Variants in EPB41L4A observed in about 807,000 individuals in gnomAD.
EPB41L4A encodes the protein band 4.1-like protein 4A.
EPB41L4A carries 100 observed loss-of-function variants against 108.6 expected under a neutral mutation model. The ratio of observed to expected loss-of-function variants is 0.92; its 90% confidence interval spans 0.78 to 1.09. The LOEUF is 1.09. Among genes scored for constraint, EPB41L4A ranks in the 50% least tolerant of loss-of-function variants. The pLI, the probability that EPB41L4A is intolerant of heterozygous loss-of-function variation, is 0.00. For missense variants in EPB41L4A, 1,030 were observed against 842.7 expected (o/e 1.22, Z -2.75); for synonymous variants, 319 against 289.0 (o/e 1.10, Z -1.05).
At chr5:112,305,537 C>A (rs1249600617) in intron 2 of EPB41L4A, among the ~76,000 whole-genome samples, 1 of 151,736 alleles carries the variant, frequency 6.6e-6, no homozygotes, top group Non-Finnish European at 1.5e-5. Context: ...TTTTTAAATC[C>A]TTATTTGTTT....
chr5:112,251,481 T>C (rs1750662395), intron 9 of EPB41L4A, among the ~76,000 whole-genome samples: 1 of 152,180 alleles, frequency 6.6e-6, no homozygotes, highest in Non-Finnish European at 1.5e-5. Flanking sequence ...TGATACAGAA[T>C]GATTTCTAGG....
chr5:112,234,635 A>T lies in EPB41L4A; in HGVS notation c.1086T>A (p.Ala362=). The change falls in exon 12 of 23, where the codon GCT becomes GCA. Residue 362 remains alanine, a splice_region_variant and synonymous_variant. Transcript: ENST00000261486. ...TAACTCAGGGGAACCATGACTTACC[A>T]GCTGGCTGTGTTTGTGCTATTCGCT... is the stretch of plus-strand genomic sequence containing the variant. The part of the protein sequence containing the change: ...YPKRIAQTQP[A]ESNSISRITA... 1.2e-6 allele frequency: 2 copies of T among 1,612,826 alleles called. No homozygotes were observed. Among genetic ancestry groups the T allele is most frequent in the South Asian group, 2.2e-5 (2 of 90,922 alleles).
At chr5:112,305,604 C>A (rs545448895) in intron 2 of EPB41L4A, among the ~76,000 whole-genome samples, 1 of 151,966 alleles carries the variant, frequency 6.6e-6, no homozygotes, top group Non-Finnish European at 1.5e-5. Flanking sequence ...AAAACTGTTA[C>A]CAAGATGAAG....
intron 9 of EPB41L4A, among the ~76,000 whole-genome samples, chr5:112,252,854 T>TA (rs34687416): frequency 0.58 from 87,220 of 149,712 alleles, 27,883 homozygotes; most frequent in Non-Finnish European, 0.7. Flanking sequence ...TTGAAAGTAT[T>TA]AAAAAAAAAA....
Position 112,332,208 on chromosome 5 carries a change from C to CT in EPB41L4A, c.100-24719_100-24718insA, listed in dbSNP as rs1352214122. Among the ~76,000 whole-genome samples the CT allele has an allele frequency of 4.6e-5, 7 of 152,324 alleles. No individual in the cohort carries two copies. In the East Asian group the frequency reaches 1.3e-3, roughly 29 times the overall value. On this transcript the variant is annotated intron_variant, in intron 1 of 22. Transcript: ENST00000261486. ...TAAGGATAGTGAGAAGAATAAAACA[C>CT]AGTCTTTTTGTTTTTAGTTCTCTAT... is the stretch of plus-strand genomic sequence containing the variant.
chr5:112,346,470 C>T (rs1339701189), intron 1 of EPB41L4A, among the ~76,000 whole-genome samples: 1 of 152,058 alleles, frequency 6.6e-6, no homozygotes, highest in Non-Finnish European at 1.5e-5. Flanking sequence ...GATCCACCCA[C>T]CTTAGCCTTC....
chr5:112,309,668 T>A (rs937038996), intron 1 of EPB41L4A, among the ~76,000 whole-genome samples: 15 of 152,142 alleles, frequency 9.9e-5, no homozygotes, highest in African/African-American at 3.6e-4. Context: ...ACCACCCCTA[T>A]AATTGTGTTA....
downstream of EPB41L4A, among the ~76,000 whole-genome samples, chr5:112,160,127 T>A (rs1298256944): frequency 1.3e-5 from 2 of 152,044 alleles, no homozygotes; most frequent in African/African-American, 4.8e-5. Context: ...GCCAGGCTGG[T>A]CTTGAACTCC....
At chr5:112,322,593 C>G (rs1755866450) in intron 1 of EPB41L4A, among the ~76,000 whole-genome samples, 1 of 152,096 alleles carries the variant, frequency 6.6e-6, no homozygotes, top group African/African-American at 2.4e-5. Flanking sequence ...CAGCAGACCT[C>G]AAAGGTCACT....
intron 14 of EPB41L4A, 91 bp downstream of exon 14, chr5:112,205,330 C>T: frequency 3.7e-6 from 4 of 1,084,172 alleles, no homozygotes; most frequent in Non-Finnish European, 5.7e-6. Context: ...CTGTGATCAG[C>T]CACCCAGCAG....
At chr5:112,280,182 GTAC>G in intron 3 of EPB41L4A, 87 bp downstream of exon 3, 1 of 1,111,138 alleles carries the variant, frequency 9.0e-7, no homozygotes, top group East Asian at 2.4e-5. Flanking sequence ...TCTTTCTCCA[GTAC>G]TAAAGCCCAC....
chr5:112,287,229 T>C lies in EPB41L4A; in HGVS notation c.205-6906A>G, dbSNP rs79154540. Among the ~76,000 whole-genome samples, 685 of 152,278 alleles carry C rather than the reference T, an allele frequency of 4.5e-3. 9 individuals are homozygous for C. The highest frequency in any genetic ancestry group is 0.016 in the African/African-American group (663 of 41,570). Reference sequence around the variant, plus strand: ...CTCCACTTAGATGCCTGTTAGAATCTCAAACTTTAGATGTCCAAAAGAAAA... The same window carrying C: ...CTCCACTTAGATGCCTGTTAGAATCCCAAACTTTAGATGTCCAAAAGAAAA... On this transcript the variant is annotated intron_variant, in intron 2 of 22. Transcript: ENST00000261486.
At chr5:112,251,418 C>T (rs1280182183) in intron 9 of EPB41L4A, among the ~76,000 whole-genome samples, 1 of 152,090 alleles carries the variant, frequency 6.6e-6, no homozygotes, top group Non-Finnish European at 1.5e-5. Context: ...AACTGTGGTA[C>T]ACACATTCAA....
chr5:112,314,982 C>T (rs1294942726), intron 1 of EPB41L4A, among the ~76,000 whole-genome samples: 1 of 152,112 alleles, frequency 6.6e-6, no homozygotes, highest in African/African-American at 2.4e-5. Flanking sequence ...TAATAATGGA[C>T]CTCCACTAAT....
At chr5:112,253,818 C>T (rs73229372) in intron 9 of EPB41L4A, among the ~76,000 whole-genome samples, 27,664 of 152,154 alleles carry the variant, frequency 0.18, 2,694 homozygotes, top group East Asian at 0.3. Context: ...ATTTTTACAA[C>T]TTTTTAAATA....
intron 17 of EPB41L4A, among the ~76,000 whole-genome samples, chr5:112,186,725 A>G (rs911156923): frequency 7.9e-5 from 12 of 152,228 alleles, no homozygotes; most frequent in African/African-American, 2.9e-4. Context: ...GAAGTTTGAA[A>G]TTACATCCTT....
At chr5:112,295,165 T>C (rs1753911435) in intron 2 of EPB41L4A, among the ~76,000 whole-genome samples, 1 of 152,164 alleles carries the variant, frequency 6.6e-6, no homozygotes, top group South Asian at 2.1e-4. Flanking sequence ...TATCCTGGAT[T>C]AGTGAGTGAA....
intron 1 of EPB41L4A, among the ~76,000 whole-genome samples, chr5:112,319,004 G>C (rs1009412481): frequency 2.0e-5 from 3 of 152,128 alleles, no homozygotes; most frequent in Non-Finnish European, 4.4e-5. Flanking sequence ...GCTTGTTATA[G>C]GAAACAGAGC....
chr5:112,361,693 C>T (rs1357461030), intron 1 of EPB41L4A, among the ~76,000 whole-genome samples: 1 of 105,640 alleles, frequency 9.5e-6, no homozygotes, highest in African/African-American at 3.3e-5. Flanking sequence ...AAAAAGAACA[C>T]CAAAAATGCT....
Sources: gnomAD v4.1 joint callset for allele counts (sites outside exome capture counted in the v4.1 genomes callset) on GRCh38, gnomAD v4.1.1 for gene constraint, MANE v1.5 for transcripts, NCBI Gene and HGNC (gene_info 2026-07-23, HGNC 2026-07-21) for gene names.